CEP112: variants seen among roughly 807,000 people sequenced by gnomAD.
The protein encoded by CEP112 is centrosomal protein of 112 kDa.
Under a neutral mutation model 153.0 loss-of-function variants are expected in CEP112, and 127 were observed. That is an observed-to-expected ratio of 0.83 (90% CI 0.72 to 0.96). The LOEUF (loss-of-function observed/expected upper bound fraction) is 0.96. Among genes scored for constraint, CEP112 ranks in the 40% least tolerant of loss-of-function variants. The pLI is 0.00. For missense variants in CEP112, 1,089 were observed against 1,101.2 expected (o/e 0.99, Z 0.16); for synonymous variants, 358 against 374.4 (o/e 0.96, Z 0.51).
chr17:66,129,218 C>T (rs72837148), intron 6 of CEP112, among the ~76,000 whole-genome samples: 272 of 152,276 alleles, frequency 1.8e-3, no homozygotes, highest in Middle Eastern at 3.4e-3. Context: ...AAATTCCAAA[C>T]ACCCAATCAC....
At chr17:65,951,749 C>CCCCCCCAG (rs71160510) in intron 18 of CEP112, among the ~76,000 whole-genome samples, 1 of 106,148 alleles carries the variant, frequency 9.4e-6, no homozygotes, top group Non-Finnish European at 2.0e-5. Context: ...CCCCGCCCCC[C>CCCCCCCAG]CCTTTCTTCC....
At chr17:66,027,945 GAGAC>G (rs1299276304) in intron 15 of CEP112, among the ~76,000 whole-genome samples, 2 of 147,648 alleles carry the variant, frequency 1.4e-5, no homozygotes, top group African/African-American at 2.4e-5. Flanking sequence ...GCAAAAGAGA[GAGAC>G]AGAGGGAGAG....
chr17:65,971,458 TCACA>T (rs748974331), intron 17 of CEP112, among the ~76,000 whole-genome samples: 2 of 141,702 alleles, frequency 1.4e-5, no homozygotes, highest in African/African-American at 5.1e-5. Flanking sequence ...TGCATGCATA[TCACA>T]CACATGTATC....
At position 65,878,543 on chromosome 17, in the gene CEP112, G is replaced by C. The variant is rs74390755; in HGVS notation, c.2163+23609C>G. ...TGTTTGGGGGACACTCATCAGTTAA[G>C]AACAGCTTTCCACCACTTTTGGAGG... On this transcript the variant is annotated intron_variant, in intron 20 of 26. Coordinates refer to ENST00000535342, the MANE Select transcript of CEP112 (RefSeq NM_001199165.4). Among the ~76,000 whole-genome samples the C allele has an allele frequency of 1.4e-3, 215 of 152,252 alleles. 1 individual carries two copies. The highest frequency in any genetic ancestry group is 2.9e-3 in the South Asian group (14 of 4,822).
At chr17:66,102,796 CAA>C (rs11416184) in intron 6 of CEP112, among the ~76,000 whole-genome samples, 7 of 99,616 alleles carry the variant, frequency 7.0e-5, no homozygotes, top group African/African-American at 8.3e-5. Flanking sequence ...GACTCCATCT[CAA>C]AAAAAAAAAA....
chr17:65,750,386 T>C (rs1348140494), intron 22 of CEP112, among the ~76,000 whole-genome samples: 2 of 152,170 alleles, frequency 1.3e-5, no homozygotes, highest in African/African-American at 4.8e-5. Flanking sequence ...TTCAAGTGTA[T>C]AGGCTGGTTT....
chr17:65,844,707 A>G (rs9906040), intron 21 of CEP112, among the ~76,000 whole-genome samples: 57,601 of 150,050 alleles, frequency 0.38, 11,862 homozygotes, highest in East Asian at 0.79. Context: ...GTTCTAAAAT[A>G]AAGAAATAAC....
chr17:65,726,014 T>G (rs974572516), intron 23 of CEP112, among the ~76,000 whole-genome samples: 1 of 152,110 alleles, frequency 6.6e-6, no homozygotes, highest in African/African-American at 2.4e-5. Context: ...GAGCACCCAG[T>G]ACTGTGGGTG....
chr17:65,899,309 T>G (rs1005639888), intron 20 of CEP112, among the ~76,000 whole-genome samples: 5 of 152,132 alleles, frequency 3.3e-5, no homozygotes, highest in Non-Finnish European at 5.9e-5. Flanking sequence ...GTGGTAAAAT[T>G]TAATGTGCAC....
At chr17:65,682,606 C>CGCTG (rs2047587509) in intron 24 of CEP112, among the ~76,000 whole-genome samples, 1 of 152,174 alleles carries the variant, frequency 6.6e-6, no homozygotes, top group Admixed American at 6.5e-5. Flanking sequence ...CACAACACAG[C>CGCTG]GCTCAATAAA....
chr17:66,129,373 AGT>A (rs2070018638), intron 6 of CEP112, among the ~76,000 whole-genome samples: 3 of 152,092 alleles, frequency 2.0e-5, no homozygotes. Flanking sequence ...GGTCCCCTTG[AGT>A]GTTTTTAACC....
At chr17:66,171,602 G>A (rs940735159) in intron 4 of CEP112, among the ~76,000 whole-genome samples, 1 of 152,062 alleles carries the variant, frequency 6.6e-6, no homozygotes, top group Non-Finnish European at 1.5e-5. Context: ...ATCAATAGTC[G>A]ATTCACCACC....
chr17:65,953,389 C>T (rs1003629798), intron 18 of CEP112, among the ~76,000 whole-genome samples: 2 of 152,168 alleles, frequency 1.3e-5, no homozygotes, highest in African/African-American at 2.4e-5. Context: ...TGGAGACTCA[C>T]ATCGTGAACT....
intron 12 of CEP112, among the ~76,000 whole-genome samples, chr17:66,042,149 G>A (rs1353597643): frequency 1.3e-5 from 2 of 152,128 alleles, no homozygotes; most frequent in Non-Finnish European, 2.9e-5. Flanking sequence ...AGGAGTTCGA[G>A]ACCAGCCTGG....
chr17:65,984,055 C>T (rs1056892704), intron 17 of CEP112, among the ~76,000 whole-genome samples: 8 of 152,160 alleles, frequency 5.3e-5, no homozygotes, highest in Non-Finnish European at 7.3e-5. Flanking sequence ...TACTCTACAA[C>T]ATTTGATGAG....
At chr17:66,155,241 C>T (rs1030917630) in intron 4 of CEP112, among the ~76,000 whole-genome samples, 37 of 152,224 alleles carry the variant, frequency 2.4e-4, no homozygotes, top group African/African-American at 7.7e-4. Context: ...CCACAGAGGG[C>T]GAGCCGAAGC....
chr17:65,718,134 G>A (rs370811944), intron 23 of CEP112, among the ~76,000 whole-genome samples: 6 of 152,134 alleles, frequency 3.9e-5, no homozygotes, highest in Non-Finnish European at 1.5e-5. Flanking sequence ...GGCTGGGCGC[G>A]GTGGCTCACG....
intron 18 of CEP112, among the ~76,000 whole-genome samples, chr17:65,942,816 G>T (rs1220200067): frequency 6.6e-6 from 1 of 152,076 alleles, no homozygotes; most frequent in African/African-American, 2.4e-5. Flanking sequence ...GTCTCCATCA[G>T]ATACAGTCAT....
At chr17:65,861,610 TA>T (rs2058312321) in intron 20 of CEP112, among the ~76,000 whole-genome samples, 1 of 152,178 alleles carries the variant, frequency 6.6e-6, no homozygotes, top group South Asian at 2.1e-4. Context: ...AGGCACATCA[TA>T]AAAGGCAACA....
Sources: allele counts gnomAD v4.1 joint callset (sites outside exome capture counted in the v4.1 genomes callset), GRCh38; gene constraint gnomAD v4.1.1; transcripts MANE v1.5; gene names NCBI Gene and HGNC (gene_info 2026-07-23, HGNC 2026-07-21).